The following KCNMA1 variants were observed in gnomAD, a reference collection of about 807,000 sequenced individuals.
KCNMA1 encodes potassium calcium-activated channel subfamily M alpha 1, also known as Calcium-activated potassium channel subunit alpha-1.
KCNMA1 carries 29 observed loss-of-function variants against 140.0 expected under a neutral mutation model. The ratio of observed to expected loss-of-function variants is 0.21; its 90% CI spans 0.15 to 0.28. The LOEUF is 0.28. Among genes scored for constraint, KCNMA1 ranks in the 10% least tolerant of loss-of-function variants. The pLI is 1.00. For missense variants in KCNMA1, 880 were observed against 1,602.2 expected (o/e 0.55, Z 7.70); for synonymous variants, 612 against 611.9 (o/e 1.00, Z 0.00).
intron 2 of KCNMA1, among the ~76,000 whole-genome samples, chr10:77,353,970 T>TGGGGGGGGGGG (rs563299513): frequency 2.2e-5 from 2 of 92,938 alleles, no homozygotes; most frequent in African/African-American, 1.0e-4. Flanking sequence ...CCTCTTTTTT[T>TGGGGGGGGGGG]GGGGGGGGGG....
chr10:77,197,343 G>A (rs957994500), intron 3 of KCNMA1, among the ~76,000 whole-genome samples: 1 of 152,176 alleles, frequency 6.6e-6, no homozygotes, highest in Non-Finnish European at 1.5e-5. Context: ...TGGTCACTTG[G>A]TGCACACCCA....
rs1485427765 is a variant in KCNMA1, at chr10:76,886,428, A to C, written c.*838T>G. The C allele has an allele frequency of 1.7e-5, 17 of 985,238 alleles. No individual in the cohort carries two copies. The highest frequency in any genetic ancestry group is 1.9e-5 in the Non-Finnish European group (16 of 829,852). 61.0% of individuals were successfully genotyped at this position (985,238 alleles called of 1,614,324 possible). On this transcript the variant is annotated 3_prime_UTR_variant, in exon 28 of 28. Transcript: ENST00000286628. ...ATGGCTTTTCATCCCAAATGTCAAAAGTGAAAGAAAAAAAATAGCTATTCA... is the reference window on the plus strand; with the variant it reads ...ATGGCTTTTCATCCCAAATGTCAAACGTGAAAGAAAAAAAATAGCTATTCA...
chr10:77,500,722 T>C (rs988663527), intron 1 of KCNMA1, among the ~76,000 whole-genome samples: 3 of 152,200 alleles, frequency 2.0e-5, no homozygotes, highest in South Asian at 2.1e-4. Flanking sequence ...CCAGTAGCAG[T>C]AGAGGAGTTT....
rs202085429 is a variant in KCNMA1, at chr10:76,953,858, G to A, written c.2427C>T (p.Tyr809=). ...ACCAGTGAAACATCCCAGTAGAGTC[G>A]TACTTCTTCACATTGGAGTCCATGT... The part of the protein sequence containing the change: ...IDNMDSNVKK[Y]DSTGMFHWCA... Residue 809 remains tyrosine (Y), a synonymous_variant, in exon 21 of 28, where the codon TAC becomes TAT. Transcript: ENST00000286628. The A allele has an allele frequency of 1.1e-4, 175 of 1,613,828 alleles. No homozygotes were observed. Among genetic ancestry groups the A allele is most frequent in the South Asian group, 2.4e-4 (22 of 91,076 alleles).
At chr10:77,489,605 C>A (rs1163132023) in intron 1 of KCNMA1, among the ~76,000 whole-genome samples, 1 of 152,214 alleles carries the variant, frequency 6.6e-6, no homozygotes, top group African/African-American at 2.4e-5. Context: ...TCCCAAAGTG[C>A]TGGGATTACA....
rs538021868 is a variant in KCNMA1 at position 77,553,578 on chromosome 10, G to C, written c.378+83687C>G. Among the ~76,000 whole-genome samples, 21 of 152,310 alleles carry C rather than the reference G, an allele frequency of 1.4e-4. No individual in the cohort carries two copies. In the South Asian group the frequency reaches 3.9e-3, roughly 29 times the overall value. ...CATAATGCACACCCAGTCAGGGCCT[G>C]GGCACCTCTAGTTACTCAGCAGTGA... On this transcript the variant is annotated intron_variant, in intron 1 of 27. Coordinates refer to ENST00000286628, the MANE Select transcript of KCNMA1 (RefSeq NM_001161352.2).
chr10:77,587,640 C>T, intron 1 of KCNMA1: 1 of 934,734 alleles, frequency 1.1e-6, no homozygotes. Flanking sequence ...CCCTGAGTGT[C>T]CGGTGCTCTG....
At chr10:76,909,944 A>T (rs2049443465) in intron 25 of KCNMA1, 22 bp downstream of exon 25, 2 of 1,611,428 alleles carry the variant, frequency 1.2e-6, no homozygotes, top group Non-Finnish European at 1.7e-6. Context: ...TTGAGTGAGG[A>T]GGAGGGAACA....
chr10:77,213,157 C>T lies in KCNMA1; in HGVS notation c.603-28241G>A, dbSNP rs192180641. ...AACAGTTGAAATCCTATTGTTATGA[C>T]GTGTAATGATACAATTATGATGTAT... is the stretch of plus-strand genomic sequence containing the variant. On this transcript the variant is annotated intron_variant, in intron 3 of 27. Coordinates refer to ENST00000286628, the MANE Select transcript of KCNMA1 (RefSeq NM_001161352.2). Among the ~76,000 whole-genome samples, 21 of 152,022 alleles carry T rather than the reference C, an allele frequency of 1.4e-4. No individual in the cohort carries two copies. The East Asian group carries it at 2.5e-3, about 18-fold the overall frequency.
rs2088545796 is a variant in KCNMA1 at position 77,614,542 on chromosome 10, C to T, written c.378+22723G>A. On this transcript the variant is annotated intron_variant, in intron 1 of 27. Coordinates refer to ENST00000286628, the MANE Select transcript of KCNMA1 (RefSeq NM_001161352.2). ...TGAATAAACTGACTTCTGCTAAATG[C>T]CATTATTCTACCTGGATACATCACA... Among the ~76,000 whole-genome samples, 2 of 152,106 alleles carry T rather than the reference C, an allele frequency of 1.3e-5. 1 individual carries two copies. Among genetic ancestry groups the T allele is most frequent in the South Asian group, 4.2e-4 (2 of 4,818 alleles).
intron 1 of KCNMA1, among the ~76,000 whole-genome samples, chr10:77,409,329 C>T (rs1483076222): frequency 1.3e-5 from 2 of 152,222 alleles, no homozygotes; most frequent in Non-Finnish European, 2.9e-5. Context: ...CCAACTACCA[C>T]ACACACAGTG....
chr10:77,543,549 C>A (rs2060684477), intron 1 of KCNMA1, among the ~76,000 whole-genome samples: 2 of 152,016 alleles, frequency 1.3e-5, no homozygotes, highest in Admixed American at 1.3e-4. Flanking sequence ...ACCAAAGAAA[C>A]AAAGAAAATT....
At chr10:77,277,480 C>A (rs2067000825) in intron 2 of KCNMA1, among the ~76,000 whole-genome samples, 1 of 152,330 alleles carries the variant, frequency 6.6e-6, no homozygotes, top group East Asian at 1.9e-4. Context: ...TTCTCCAACA[C>A]CCAGTCCACA....
At chr10:76,956,283 T>C (rs1240803771) in intron 20 of KCNMA1, among the ~76,000 whole-genome samples, 1 of 152,040 alleles carries the variant, frequency 6.6e-6, no homozygotes, top group Non-Finnish European at 1.5e-5. Flanking sequence ...TTAACTGGGG[T>C]AGTGGTTTCC....
chr10:76,970,071 G>A lies in KCNMA1; in HGVS notation c.2267-4C>T, dbSNP rs1350133815. 1 of 1,611,916 alleles carries A rather than the reference G, an allele frequency of 6.2e-7. No homozygotes were observed. On this transcript the variant is annotated splice_region_variant and splice_polypyrimidine_tract_variant and intron_variant, in intron 19 of 27. Transcript: ENST00000286628. ...GTTGACGGCTGCTCATCTTCAACTGGAAATACAGGCAGCTCATGAGATTAT... is the reference window on the plus strand; with the variant it reads ...GTTGACGGCTGCTCATCTTCAACTGAAAATACAGGCAGCTCATGAGATTAT...
At chr10:77,037,039 A>T (rs1170457491) in intron 15 of KCNMA1, among the ~76,000 whole-genome samples, 1 of 152,226 alleles carries the variant, frequency 6.6e-6, no homozygotes, top group Non-Finnish European at 1.5e-5. Context: ...ATATTCCAGA[A>T]ACTTTACTGA....
chr10:77,084,807 G>A, intron 11 of KCNMA1, 88 bp from the exon 12 acceptor site: 1 of 943,422 alleles, frequency 1.1e-6, no homozygotes, highest in Non-Finnish European at 1.7e-6. Context: ...AGCTTCTTGG[G>A]GAAGCTTTGC....
At chr10:77,431,681 TAAAAAAA>T (rs71028276) in intron 1 of KCNMA1, among the ~76,000 whole-genome samples, 7 of 75,438 alleles carry the variant, frequency 9.3e-5, no homozygotes, top group African/African-American at 2.9e-4. Flanking sequence ...TGGTCTGTTG[TAAAAAAA>T]AAAAAAAAAA....
intron 16 of KCNMA1, chr10:77,019,419 C>T (rs1257704857): frequency 6.3e-6 from 2 of 317,844 alleles, no homozygotes; most frequent in Non-Finnish European, 1.2e-5. Flanking sequence ...AAGCAAAGTC[C>T]ATCAGAATAA....
Sources: allele counts gnomAD v4.1 joint callset (sites outside exome capture counted in the v4.1 genomes callset), GRCh38; gene constraint gnomAD v4.1.1; transcripts MANE v1.5; gene names NCBI Gene and HGNC (gene_info 2026-07-23, HGNC 2026-07-21).